Variants in PALD1 observed in about 807,000 individuals in gnomAD.
PALD1 encodes paladin.
A neutral mutation model predicts 96.0 loss-of-function variants in PALD1; 57 were observed. That is an observed-to-expected ratio of 0.59 (90% CI 0.48 to 0.74). The LOEUF (loss-of-function observed/expected upper bound fraction) is 0.74, where lower values mean the gene tolerates loss of function less well. PALD1 is among the 30% of genes least tolerant of loss of function. The pLI, the probability that PALD1 is intolerant of heterozygous loss-of-function variation, is 0.00. For synonymous variants in PALD1, 464 were observed against 473.6 expected (o/e 0.98, Z 0.26); for missense variants, 1,063 against 1,143.7 (o/e 0.93, Z 1.02).
the PALD1 span, among the ~76,000 whole-genome samples, chr10:70,458,789 C>T: frequency 6.6e-6 from 1 of 152,244 alleles, no homozygotes; most frequent in African/African-American, 2.4e-5. Context: ...TCTGTCCCGT[C>T]CCCTCGCTGG....
rs1027400443 is a variant in PALD1, at chr10:70,547,186, C to G, written c.2122-120C>G. The stretch of plus-strand genomic sequence containing the variant: ...TGAGAACTGAGGAGCAGGCAGGGCT[C>G]TCTGTTCAGCGCCTGGGCCTTAGGC... On this transcript the variant is annotated intron_variant, in intron 17 of 19. Coordinates refer to ENST00000263563, the MANE Select transcript of PALD1 (RefSeq NM_014431.3). The G allele has an allele frequency of 5.9e-6, 5 of 847,564 alleles. No homozygotes were observed. In the African/African-American group the frequency reaches 8.3e-5, roughly 14 times the overall value. The allele number at this position is 847,564 out of a possible 1,614,324, so 52.5% of individuals were successfully genotyped here.
In PALD1 at chr10:70,502,947, C is replaced by T. The variant is rs1213398338; in HGVS notation, c.-29-22976C>T. On this transcript the variant is annotated intron_variant, in intron 1 of 19. Transcript: ENST00000263563. ...CCAGGCTGCAGTGCAGTGGCGTGAT[C>T]TCGGCTCACTGCATCATCTACCTCC... is the stretch of plus-strand genomic sequence containing the variant. 2.6e-5 allele frequency among the ~76,000 whole-genome samples: 4 copies of T among 152,116 alleles called. No homozygotes were observed. The East Asian group carries it at 7.7e-4, about 29-fold the overall frequency.
At chr10:70,477,600 C>T (rs1280686143), upstream of PALD1, among the ~76,000 whole-genome samples, 1 of 152,176 alleles carries the variant, frequency 6.6e-6, no homozygotes, top group Admixed American at 6.5e-5. Context: ...TATAACTTCG[C>T]GAGGCACTTA....
In PALD1 at chr10:70,526,139, G is replaced by A. The variant is rs1332005366; in HGVS notation, c.185+3G>A. 4 of 1,613,128 alleles carry A rather than the reference G, an allele frequency of 2.5e-6. No individual in the cohort carries two copies. In the African/African-American group the frequency reaches 5.3e-5, roughly 22 times the overall value. On this transcript the variant is annotated splice_donor_region_variant and intron_variant, in intron 2 of 19. Coordinates refer to ENST00000263563, the MANE Select transcript of PALD1 (RefSeq NM_014431.3). Reference sequence around the variant, plus strand: ...AAGGTGGCCCCTGTTGTGATCACGTGAGTGGCAGGGGGAGTGTGCCCATGT... The same window carrying A: ...AAGGTGGCCCCTGTTGTGATCACGTAAGTGGCAGGGGGAGTGTGCCCATGT...
Position 70,514,846 on chromosome 10 carries a change from G to T in PALD1, c.-29-11077G>T, listed in dbSNP as rs115359823. 7.1e-3 allele frequency among the ~76,000 whole-genome samples: 1,075 copies of T among 152,258 alleles called. 9 individuals carry two copies. Among genetic ancestry groups the T allele is most frequent in the African/African-American group, 0.024 (1,008 of 41,532 alleles). On this transcript the variant is annotated intron_variant, in intron 1 of 19. Coordinates refer to ENST00000263563, the MANE Select transcript of PALD1 (RefSeq NM_014431.3). ...GTGCTTTGAGGTGGGTGGGGTGAGG[G>T]TTCTCTGGGTGAAGAGTTGTGACCT...
At chr10:70,533,436 G>T (rs183462111) in intron 7 of PALD1, among the ~76,000 whole-genome samples, 137 of 152,140 alleles carry the variant, frequency 9.0e-4, no homozygotes, top group Non-Finnish European at 1.3e-3. Flanking sequence ...TTCTCTTATG[G>T]CAGAGTCCAT....
chr10:70,506,984 A>T (rs1012619453), intron 1 of PALD1, among the ~76,000 whole-genome samples: 8 of 152,176 alleles, frequency 5.3e-5, no homozygotes, highest in African/African-American at 1.9e-4. Context: ...TGTATGTTGT[A>T]CTGTGGGACC....
intron 8 of PALD1, 95 bp from the exon 9 acceptor site, chr10:70,534,330 G>A: frequency 2.3e-6 from 2 of 851,470 alleles, no homozygotes; most frequent in South Asian, 3.2e-5. Context: ...CTGTAGTCTG[G>A]TGTCCCCCAG....
the PALD1 span, among the ~76,000 whole-genome samples, chr10:70,472,542 T>C: frequency 6.6e-6 from 1 of 152,120 alleles, no homozygotes. Flanking sequence ...ATTACAGGTG[T>C]GAGCCACTGC....
intron 7 of PALD1, among the ~76,000 whole-genome samples, chr10:70,533,609 C>A (rs779821302): frequency 6.6e-6 from 1 of 152,172 alleles, no homozygotes; most frequent in African/African-American, 2.4e-5. Flanking sequence ...TGAGTCCTGG[C>A]GGAGTTTCTC....
intron 9 of PALD1, 97 bp downstream of exon 9, chr10:70,534,621 CTACCTCTCT>C: frequency 8.7e-7 from 1 of 1,149,272 alleles, no homozygotes; most frequent in Non-Finnish European, 1.3e-6. Flanking sequence ...ATACCCTCCC[CTACCTCTCT>C]GCCAATCTTT....
chr10:70,539,353 G>A lies in PALD1; in HGVS notation c.1725+106G>A. ...ACTCCCGCAGACAGATGGAGAATCT[G>A]AGGCCCCGGGAGGAGCAGTGTCAGG... On this transcript the variant is annotated intron_variant, in intron 14 of 19. Coordinates refer to ENST00000263563, the MANE Select transcript of PALD1 (RefSeq NM_014431.3). The surrounding 1 kb of genome is among the most constrained non-coding windows in gnomAD (Gnocchi z 4.5). 1 of 1,214,062 alleles carries A rather than the reference G, an allele frequency of 8.2e-7. No homozygotes were observed. Among genetic ancestry groups the A allele is most frequent in the Non-Finnish European group, 1.1e-6 (1 of 885,566 alleles). 75.2% of individuals were successfully genotyped at this position (1,214,062 alleles called of 1,614,324 possible). A position where few individuals can be genotyped will look rare whatever the true frequency, so the allele number is the denominator to read the frequency against.
intron 10 of PALD1, among the ~76,000 whole-genome samples, chr10:70,537,605 T>A (rs1847140472): frequency 6.6e-6 from 1 of 152,214 alleles, no homozygotes; most frequent in South Asian, 2.1e-4. Flanking sequence ...GTCACCCACA[T>A]ATCTCCCCTG....
chr10:70,476,277 C>T (rs891092721), upstream of PALD1, among the ~76,000 whole-genome samples: 7 of 152,202 alleles, frequency 4.6e-5, no homozygotes, highest in Admixed American at 1.3e-4. Flanking sequence ...CTGATTCTTT[C>T]GTTCTGCCTG....
chr10:70,555,492 T>G (rs1024048008), intron 18 of PALD1, among the ~76,000 whole-genome samples: 1 of 151,960 alleles, frequency 6.6e-6, no homozygotes, highest in Non-Finnish European at 1.5e-5. Flanking sequence ...GGGGCAATCT[T>G]GTGGTGGCAG....
intron 1 of PALD1, among the ~76,000 whole-genome samples, chr10:70,496,177 T>A (rs1589174677): frequency 6.6e-6 from 1 of 152,300 alleles, no homozygotes; most frequent in African/African-American, 2.4e-5. Context: ...AACCCAACCC[T>A]TGCCATGTTT....
At chr10:70,530,120 G>A in intron 4 of PALD1, 52 bp downstream of exon 4, 1 of 1,441,020 alleles carries the variant, frequency 6.9e-7, no homozygotes. Flanking sequence ...CCAGGGAGAG[G>A]GGCACCTTGG....
intron 11 of PALD1, 102 bp from the exon 12 acceptor site, chr10:70,538,178 T>G: frequency 1.8e-5 from 22 of 1,239,468 alleles, no homozygotes; most frequent in African/African-American, 2.9e-5. Flanking sequence ...CTCTGGGCCA[T>G]GTTGGATATC....
intron 18 of PALD1, among the ~76,000 whole-genome samples, chr10:70,556,279 C>CCTCT (rs112574716): frequency 0.062 from 7,936 of 128,554 alleles, 232 homozygotes; most frequent in African/African-American, 0.087. Context: ...GTAGCCGAGA[C>CCTCT]CTCTCTCTCT....
Sources: allele counts gnomAD v4.1 joint callset (sites outside exome capture counted in the v4.1 genomes callset), GRCh38; gene constraint gnomAD v4.1.1; non-coding constraint Gnocchi (gnomAD v3.1); transcripts MANE v1.5; gene names NCBI Gene and HGNC (gene_info 2026-07-23, HGNC 2026-07-21).